The following ITPRID1 variants were observed in gnomAD, a reference collection of about 807,000 sequenced individuals.
The protein encoded by ITPRID1 is protein ITPRID1.
In ITPRID1, 96 loss-of-function variants were observed where a neutral mutation model predicts 95.4. The ratio of observed to expected loss-of-function variants is 1.01; its 90% CI spans 0.85 to 1.19. The LOEUF is 1.19. Among genes scored for constraint, ITPRID1 ranks in the 50% most tolerant of loss-of-function variants. The pLI is 0.00. For missense variants in ITPRID1, 1,339 were observed against 1,252.9 expected (o/e 1.07, Z -1.04); for synonymous variants, 510 against 453.6 (o/e 1.12, Z -1.58).
chr7:31,517,723 G>A (rs12701105), intron 1 of ITPRID1: 27,507 of 152,504 alleles, frequency 0.18, 2,945 homozygotes, highest in Middle Eastern at 0.24. Context: ...AGAGGGAGCC[G>A]GCTCCGGCCT....
At chr7:31,574,780 G>C in intron 8 of ITPRID1, 38 bp downstream of exon 8, 2 of 1,585,618 alleles carry the variant, frequency 1.3e-6, no homozygotes, top group Non-Finnish European at 1.7e-6. Context: ...TCTCAGCATT[G>C]GGAATGAGTG....
At chr7:31,635,330 C>T (rs1583675065) in intron 10 of ITPRID1, among the ~76,000 whole-genome samples, 1 of 152,122 alleles carries the variant, frequency 6.6e-6, no homozygotes, top group East Asian at 1.9e-4. Flanking sequence ...CATCAGTAAC[C>T]TGGCCCACAT....
In ITPRID1 at chr7:31,554,378, G is replaced by C. The variant is rs900753746; in HGVS notation, c.164-97G>C. 23 of 1,489,162 alleles carry C rather than the reference G, an allele frequency of 1.5e-5. No homozygotes were observed. In the African/African-American group the frequency reaches 3.1e-4, roughly 20 times the overall value. The allele number at this position is 1,489,162 out of a possible 1,614,324, so 92.2% of individuals were successfully genotyped here. A position where few individuals can be genotyped will look rare whatever the true frequency, so the allele number is the denominator to read the frequency against. On this transcript the variant is annotated intron_variant, in intron 3 of 14. Coordinates refer to ENST00000615280, the MANE Select transcript of ITPRID1 (RefSeq NM_001257967.3). ...TGGAAGGAAACATGTGACTAAATAT[G>C]TGGGAAATAGTGACTGAGTGGCGGC...
chr7:31,532,352 CTTGTTTTA>C (rs1270293559), intron 1 of ITPRID1, among the ~76,000 whole-genome samples: 3 of 151,900 alleles, frequency 2.0e-5, no homozygotes, highest in Non-Finnish European at 1.5e-5. Flanking sequence ...TATTTCTTTT[CTTGTTTTA>C]TTGAGCTAAC....
chr7:31,656,892 A>G (rs1352552315), downstream of ITPRID1, among the ~76,000 whole-genome samples: 3 of 58,812 alleles, frequency 5.1e-5, no homozygotes, highest in African/African-American at 2.0e-4. Flanking sequence ...AGGCTGCTCT[A>G]TCCCACCAGG....
intron 1 of ITPRID1, among the ~76,000 whole-genome samples, chr7:31,543,932 T>C (rs578094018): frequency 6.6e-6 from 1 of 152,208 alleles, no homozygotes; most frequent in African/African-American, 2.4e-5. Flanking sequence ...AATTTTGAGG[T>C]AGTTTTTGAT....
At chr7:31,551,327 T>A (rs772069141) in intron 2 of ITPRID1, among the ~76,000 whole-genome samples, 2 of 143,522 alleles carry the variant, frequency 1.4e-5, no homozygotes, top group Non-Finnish European at 3.1e-5. Context: ...AGTGAGTTTT[T>A]AAAGGTTATT....
In ITPRID1 at chr7:31,598,291, AAGAC is replaced by A. The variant is rs1318308157; in HGVS notation, c.1228+15104_1228+15107del. On this transcript the variant is annotated intron_variant, in intron 10 of 14. Transcript: ENST00000615280. ...CATAATTGTCAACATTGGTTCATCA[AAGAC>A]AGAATAAAGTTCAAAGACAAGTCAC... 3.3e-5 allele frequency among the ~76,000 whole-genome samples: 5 copies of A among 152,190 alleles called. No homozygotes were observed. The East Asian group carries it at 9.6e-4, about 29-fold the overall frequency.
At chr7:31,622,470 A>C (rs1285447951) in intron 10 of ITPRID1, among the ~76,000 whole-genome samples, 1 of 150,600 alleles carries the variant, frequency 6.6e-6, no homozygotes, top group Non-Finnish European at 1.5e-5. Context: ...AAACTGCTCA[A>C]CTACATGGAA....
In ITPRID1 at chr7:31,654,504, G is replaced by A. The variant is rs1791199547; in HGVS notation, c.*1675G>A. On this transcript the variant is annotated 3_prime_UTR_variant, in exon 15 of 15. Transcript: ENST00000615280. ...TTTACGTTTTGAAGTCATGCTGGCT[G>A]CTTTATGGAGAAAACGCCCCTGGGG... Among the ~76,000 whole-genome samples the A allele has an allele frequency of 6.6e-6, 1 of 152,194 alleles. No homozygotes were observed. Among genetic ancestry groups the A allele is most frequent in the Non-Finnish European group, 1.5e-5 (1 of 68,030 alleles).
intron 10 of ITPRID1, among the ~76,000 whole-genome samples, chr7:31,640,046 T>G (rs2128206877): frequency 6.6e-6 from 1 of 152,284 alleles, no homozygotes; most frequent in African/African-American, 2.4e-5. Context: ...ATAAATATTC[T>G]TTTGCTTATG....
At chr7:31,521,667 C>T (rs867934295) in intron 1 of ITPRID1, among the ~76,000 whole-genome samples, 2 of 109,498 alleles carry the variant, frequency 1.8e-5, no homozygotes, top group African/African-American at 3.3e-5. Flanking sequence ...TCCTTCCTTC[C>T]TTCCTTCCTT....
chr7:31,519,614 C>CCATATATATATATATATA (rs1783161314), intron 1 of ITPRID1, among the ~76,000 whole-genome samples: 1 of 43,170 alleles, frequency 2.3e-5, no homozygotes, highest in Non-Finnish European at 4.5e-5. Flanking sequence ...CTCTCTCTCT[C>CCATATATATATATATATA]TCTCTCTATA....
intron 2 of ITPRID1, among the ~76,000 whole-genome samples, chr7:31,552,433 A>C (rs1290987290): frequency 6.6e-6 from 1 of 152,224 alleles, no homozygotes; most frequent in Non-Finnish European, 1.5e-5. Context: ...AATTCAGCAT[A>C]GAATCTAGCA....
intron 10 of ITPRID1, among the ~76,000 whole-genome samples, chr7:31,591,895 A>C (rs1484489095): frequency 6.6e-6 from 1 of 152,222 alleles, no homozygotes; most frequent in African/African-American, 2.4e-5. Flanking sequence ...TGGAATGAAA[A>C]CACCTAAATA....
chr7:31,608,288 G>A (rs1043481057), intron 10 of ITPRID1, among the ~76,000 whole-genome samples: 21 of 151,886 alleles, frequency 1.4e-4, no homozygotes, highest in African/African-American at 5.1e-4. Flanking sequence ...TTTAAATAAG[G>A]AAATACATCT....
chr7:31,541,282 T>A (rs886906207), intron 1 of ITPRID1, among the ~76,000 whole-genome samples: 2 of 152,228 alleles, frequency 1.3e-5, no homozygotes, highest in Non-Finnish European at 2.9e-5. Flanking sequence ...CTGTCCTGCA[T>A]AATATTAATG....
chr7:31,647,673 CAAA>C (rs11345351), intron 12 of ITPRID1, among the ~76,000 whole-genome samples: 18 of 69,360 alleles, frequency 2.6e-4, no homozygotes, highest in African/African-American at 9.2e-4. Context: ...GTCTCCGTCT[CAAA>C]AAAAAAAAAA....
intron 1 of ITPRID1, among the ~76,000 whole-genome samples, chr7:31,534,633 C>A (rs1407588700): frequency 6.6e-6 from 1 of 152,194 alleles, no homozygotes; most frequent in African/African-American, 2.4e-5. Context: ...TTACTTTCAA[C>A]GTCTCTCTGT....
Sources: gnomAD v4.1 joint callset for allele counts (sites outside exome capture counted in the v4.1 genomes callset) on GRCh38, gnomAD v4.1.1 for gene constraint, MANE v1.5 for transcripts, NCBI Gene and HGNC (gene_info 2026-07-23, HGNC 2026-07-21) for gene names.